The following GRIA1 variants were observed in gnomAD, a reference collection of about 807,000 sequenced individuals.
The protein encoded by GRIA1 is glutamate receptor 1.
In GRIA1, 31 loss-of-function variants were observed where a neutral mutation model predicts 99.2. The observed-to-expected ratio is 0.31, with a 90% confidence interval of 0.23 to 0.42. The LOEUF is 0.42. Among genes scored for constraint, GRIA1 ranks in the 10% least tolerant of loss-of-function variants. The pLI, the probability that GRIA1 is intolerant of heterozygous loss-of-function variation, is 1.00. For missense variants in GRIA1, 782 were observed against 1,157.5 expected (o/e 0.68, Z 4.71); for synonymous variants, 438 against 432.4 (o/e 1.01, Z -0.16).
chr5:153,603,822 A>G (rs1765216105), intron 2 of GRIA1, among the ~76,000 whole-genome samples: 1 of 152,168 alleles, frequency 6.6e-6, no homozygotes, highest in Non-Finnish European at 1.5e-5. Flanking sequence ...TCCAGCCTCA[A>G]CTTTCATCTG....
chr5:153,618,057 T>C (rs543643682), intron 2 of GRIA1, among the ~76,000 whole-genome samples: 1 of 152,342 alleles, frequency 6.6e-6, no homozygotes, highest in East Asian at 1.9e-4. Context: ...TTTGGTTTCT[T>C]GTATGCTGGT....
At position 153,493,609 on chromosome 5, in the gene GRIA1, A is replaced by G. The variant is rs77503484; in HGVS notation, c.83-319A>G. 4.7e-3 allele frequency among the ~76,000 whole-genome samples: 717 copies of G among 152,318 alleles called. 28 individuals carry two copies. The East Asian group carries it at 0.092, about 19-fold the overall frequency. On this transcript the variant is annotated intron_variant, in intron 1 of 15. Coordinates refer to ENST00000285900, the MANE Select transcript of GRIA1 (RefSeq NM_000827.4). ...TTTATATAAGAGAATAGCAGCTCCT[A>G]GGTGGTTTGCACAAGGGAGGAAGAA...
chr5:153,585,372 G>A (rs1201885386), intron 2 of GRIA1, among the ~76,000 whole-genome samples: 17 of 122,780 alleles, frequency 1.4e-4, no homozygotes, highest in African/African-American at 1.9e-4. Context: ...ACACTGTCGC[G>A]ATCTCAGCTC....
intron 11 of GRIA1, among the ~76,000 whole-genome samples, chr5:153,759,457 GA>G (rs1274092218): frequency 6.7e-6 from 1 of 149,656 alleles, no homozygotes; most frequent in African/African-American, 2.5e-5. Context: ...TAAAACCTAG[GA>G]AAAAAATAAG....
chr5:153,804,892 G>A (rs1231973141), intron 15 of GRIA1, among the ~76,000 whole-genome samples: 1 of 151,978 alleles, frequency 6.6e-6, no homozygotes, highest in South Asian at 2.1e-4. Flanking sequence ...GCTGGGATTA[G>A]AGGCGTGTGC....
chr5:153,598,227 C>G (rs1047836472), intron 2 of GRIA1, among the ~76,000 whole-genome samples: 8 of 151,928 alleles, frequency 5.3e-5, no homozygotes, highest in South Asian at 2.1e-4. Context: ...GTAGTATACT[C>G]AAACTACTTG....
chr5:153,652,517 C>T (rs1172293570), intron 4 of GRIA1, among the ~76,000 whole-genome samples: 1 of 152,182 alleles, frequency 6.6e-6, no homozygotes. Flanking sequence ...AGCAGGAAGT[C>T]AAACCTATCT....
chr5:153,545,221 A>G (rs1561629176), intron 2 of GRIA1, among the ~76,000 whole-genome samples: 1 of 152,218 alleles, frequency 6.6e-6, no homozygotes, highest in African/African-American at 2.4e-5. Flanking sequence ...CATCGGAGAC[A>G]CTGAAAAAGT....
intron 12 of GRIA1, among the ~76,000 whole-genome samples, chr5:153,768,833 A>G (rs534711321): frequency 6.6e-6 from 1 of 152,380 alleles, no homozygotes; most frequent in South Asian, 2.1e-4. Flanking sequence ...TTTAAAAAGT[A>G]GTCCGTTACA....
At chr5:153,698,284 A>C (rs1758260974) in intron 9 of GRIA1, 130 bp downstream of exon 9, 3 of 524,080 alleles carry the variant, frequency 5.7e-6, no homozygotes. Flanking sequence ...AGCAAGTCGA[A>C]AAGGGAATGC....
intron 11 of GRIA1, 75 bp from the exon 12 acceptor site, chr5:153,764,359 C>A: frequency 9.0e-7 from 1 of 1,114,698 alleles, no homozygotes; most frequent in Non-Finnish European, 1.4e-6. Context: ...AGCCCCGGAC[C>A]CGTGCTCAGT....
chr5:153,745,310 G>A (rs111549269), intron 11 of GRIA1, among the ~76,000 whole-genome samples: 90 of 151,592 alleles, frequency 5.9e-4, no homozygotes, highest in Non-Finnish European at 1.2e-3. Flanking sequence ...AAAATAGACT[G>A]GGCATGGTGG....
At chr5:153,635,730 G>C (rs376475539) in intron 2 of GRIA1, among the ~76,000 whole-genome samples, 5 of 152,184 alleles carry the variant, frequency 3.3e-5, no homozygotes, top group Non-Finnish European at 5.9e-5. Context: ...GTCCCCACAC[G>C]TGGTAGAGCC....
chr5:153,505,747 G>A (rs948622202), intron 2 of GRIA1, among the ~76,000 whole-genome samples: 4 of 152,212 alleles, frequency 2.6e-5, no homozygotes, highest in African/African-American at 9.7e-5. Context: ...TCTCCATGGA[G>A]CACTATTGTA....
rs534399050 is a variant in GRIA1 at position 153,594,954 on chromosome 5, TG to T, written c.221-51972del. On this transcript the variant is annotated intron_variant, in intron 2 of 15. Transcript: ENST00000285900. The stretch of plus-strand genomic sequence containing the variant: ...ATTTTTACACCTTTCTTGTGATCTG[TG>T]GTTTTATGGCTTTCTTCTTATTGAC... Among the ~76,000 whole-genome samples, 1,179 of 152,130 alleles carry T rather than the reference TG, an allele frequency of 7.7e-3. 16 individuals are homozygous for T. Among genetic ancestry groups the T allele is most frequent in the African/African-American group, 0.027 (1,110 of 41,512 alleles).
chr5:153,766,930 A>ACCAGG (rs1213546303), intron 12 of GRIA1, among the ~76,000 whole-genome samples: 1 of 152,196 alleles, frequency 6.6e-6, no homozygotes, highest in Non-Finnish European at 1.5e-5. Context: ...ATATTCTACA[A>ACCAGG]GTTCTGTGCC....
chr5:153,686,896 C>T (rs962009274), intron 8 of GRIA1, among the ~76,000 whole-genome samples: 3 of 152,142 alleles, frequency 2.0e-5, no homozygotes, highest in Non-Finnish European at 4.4e-5. Flanking sequence ...GGGCCTCTGC[C>T]GATTTCTTCA....
chr5:153,707,185 C>T (rs746358745), intron 11 of GRIA1, among the ~76,000 whole-genome samples: 9 of 152,076 alleles, frequency 5.9e-5, no homozygotes, highest in Non-Finnish European at 1.2e-4. Flanking sequence ...AAAGCACACT[C>T]GGGTAACCAA....
chr5:153,638,320 G>C (rs1005909909), intron 2 of GRIA1, among the ~76,000 whole-genome samples: 1 of 152,240 alleles, frequency 6.6e-6, no homozygotes, highest in Non-Finnish European at 1.5e-5. Context: ...TCAGTGTTTA[G>C]ATGTATGTAG....
Sources: gnomAD v4.1 joint callset for allele counts (sites outside exome capture counted in the v4.1 genomes callset) on GRCh38, gnomAD v4.1.1 for gene constraint, MANE v1.5 for transcripts, NCBI Gene and HGNC (gene_info 2026-07-23, HGNC 2026-07-21) for gene names.